Variants in TGFBRAP1 observed in about 807,000 individuals in gnomAD.
The protein encoded by TGFBRAP1 is transforming growth factor beta receptor associated protein 1.
TGFBRAP1 carries 20 observed loss-of-function variants against 83.2 expected under a neutral mutation model. That is an observed-to-expected ratio of 0.24 (90% CI 0.17 to 0.35). The LOEUF is 0.35. TGFBRAP1 is among the 10% of genes least tolerant of loss of function. The probability of loss-of-function intolerance (pLI) is 1.00; values close to 1 mark genes in which losing one functional copy is unlikely to be tolerated. For missense variants in TGFBRAP1, 950 were observed against 1,099.4 expected, an observed-to-expected ratio of 0.86 and a Z score of 1.92; for synonymous variants, 415 against 459.8, an observed-to-expected ratio of 0.90 and a Z score of 1.25.
chr2:105,268,293 GATAA>G (rs1677017641), intron 11 of TGFBRAP1, among the ~76,000 whole-genome samples: 1 of 152,160 alleles, frequency 6.6e-6, no homozygotes, highest in East Asian at 1.9e-4. Context: ...CAGACACTGA[GATAA>G]AGAAATGAAG....
downstream of TGFBRAP1, among the ~76,000 whole-genome samples, chr2:105,262,114 G>A (rs928108175): frequency 1.3e-5 from 2 of 152,152 alleles, no homozygotes; most frequent in East Asian, 1.9e-4. Flanking sequence ...AGGTTAACAC[G>A]AGAAGGGAAC....
At chr2:105,316,132 A>C (rs918157878) in intron 1 of TGFBRAP1, among the ~76,000 whole-genome samples, 1 of 152,196 alleles carries the variant, frequency 6.6e-6, no homozygotes, top group Admixed American at 6.5e-5. Flanking sequence ...AGGCCACGCT[A>C]ATCTATAGCG....
chr2:105,328,340 T>C (rs537054699), intron 1 of TGFBRAP1, among the ~76,000 whole-genome samples: 1 of 152,270 alleles, frequency 6.6e-6, no homozygotes, highest in East Asian at 1.9e-4. Flanking sequence ...TTTCTAGTAC[T>C]CCAGGCAGCG....
intron 1 of TGFBRAP1, among the ~76,000 whole-genome samples, chr2:105,310,035 C>T (rs1051927517): frequency 3.3e-5 from 5 of 152,136 alleles, no homozygotes; most frequent in East Asian, 1.9e-4. Flanking sequence ...CCTCCATGAA[C>T]GGTAAGCAAT....
intron 1 of TGFBRAP1, among the ~76,000 whole-genome samples, chr2:105,309,250 G>C (rs1389961626): frequency 1.3e-5 from 2 of 152,236 alleles, no homozygotes; most frequent in Non-Finnish European, 2.9e-5. Flanking sequence ...CCTGTGAGCG[G>C]GAGCAGGGCA....
chr2:105,313,957 C>A (rs1401596943), intron 1 of TGFBRAP1, among the ~76,000 whole-genome samples: 1 of 152,086 alleles, frequency 6.6e-6, no homozygotes, highest in Non-Finnish European at 1.5e-5. Context: ...CCCAATCATG[C>A]TGAAGTCCTA....
chr2:105,260,712 A>T (rs1302813263), downstream of TGFBRAP1, among the ~76,000 whole-genome samples: 1 of 117,384 alleles, frequency 8.5e-6, no homozygotes, highest in African/African-American at 4.2e-5. Flanking sequence ...TATGCCACAG[A>T]ACTACACACT....
chr2:105,323,866 G>A (rs1679141569), intron 1 of TGFBRAP1, among the ~76,000 whole-genome samples: 1 of 152,152 alleles, frequency 6.6e-6, no homozygotes, highest in Admixed American at 6.5e-5. Flanking sequence ...TCTTAAATGT[G>A]TTGTTTCTAT....
intron 3 of TGFBRAP1, 113 bp downstream of exon 3, chr2:105,298,398 A>T: frequency 8.8e-7 from 1 of 1,139,078 alleles, no homozygotes. Flanking sequence ...TATTGGAGTC[A>T]TCTGTGTATC....
the TGFBRAP1 span, among the ~76,000 whole-genome samples, chr2:105,251,915 T>C: frequency 2.7e-5 from 4 of 149,842 alleles, no homozygotes; most frequent in East Asian, 5.8e-4. Context: ...TGGTGCAAGA[T>C]GTGCTTTGTT....
At chr2:105,308,831 T>C (rs866423679) in intron 1 of TGFBRAP1, among the ~76,000 whole-genome samples, 3 of 152,084 alleles carry the variant, frequency 2.0e-5, no homozygotes, top group Admixed American at 6.5e-5. Flanking sequence ...CCTGAGTTTC[T>C]ACAGCTACTT....
At chr2:105,283,113 A>G (rs1677599753) in intron 5 of TGFBRAP1, among the ~76,000 whole-genome samples, 1 of 152,230 alleles carries the variant, frequency 6.6e-6, no homozygotes, top group African/African-American at 2.4e-5. Flanking sequence ...CTAACACAAG[A>G]TACGGCAGAA....
chr2:105,253,596 T>A, the TGFBRAP1 span, among the ~76,000 whole-genome samples: 1 of 152,146 alleles, frequency 6.6e-6, no homozygotes, highest in Non-Finnish European at 1.5e-5. Flanking sequence ...CATGCCTGGC[T>A]AAATTTTAAA....
In TGFBRAP1 at chr2:105,265,875, C is replaced by T. The variant is rs1676913394; in HGVS notation, c.*1508G>A. ...AAATACATGGACCAATATTAGTTCA[C>T]GAAACATGTTTTAAAGAACAGAGAA... On this transcript the variant is annotated 3_prime_UTR_variant, in exon 12 of 12. Transcript: ENST00000393359. 6.6e-6 allele frequency: 1 copy of T among 152,168 alleles called. No homozygotes were observed. Among genetic ancestry groups the T allele is most frequent in the African/African-American group, 2.4e-5 (1 of 41,422 alleles). The allele number at this position is 152,168 out of a possible 1,614,324, so 9.4% of individuals were successfully genotyped here.
chr2:105,296,596 C>A (rs1376036105), intron 3 of TGFBRAP1, 86 bp from the exon 4 acceptor site: 22 of 1,453,482 alleles, frequency 1.5e-5, no homozygotes, highest in Non-Finnish European at 2.0e-5. Flanking sequence ...TGGATCATTA[C>A]CTGATTTGTT....
chr2:105,300,451 TTTTC>T (rs1377861040), intron 2 of TGFBRAP1, among the ~76,000 whole-genome samples: 23 of 133,258 alleles, frequency 1.7e-4, no homozygotes, highest in South Asian at 7.7e-4. Context: ...TTTTTTTTTT[TTTTC>T]CGAGACAGTC....
intron 8 of TGFBRAP1, 45 bp from the exon 9 acceptor site, chr2:105,273,735 C>T: frequency 6.3e-7 from 1 of 1,592,968 alleles, no homozygotes; most frequent in Non-Finnish European, 8.5e-7. Context: ...CCCAAACCCA[C>T]CTTTCCTTTA....
the TGFBRAP1 span, among the ~76,000 whole-genome samples, chr2:105,257,751 T>C: frequency 6.6e-6 from 1 of 152,206 alleles, no homozygotes; most frequent in African/African-American, 2.4e-5. Flanking sequence ...TATAACCCTA[T>C]ATCAGACCAT....
chr2:105,278,068 A>ATGTG (rs56983977), intron 6 of TGFBRAP1, among the ~76,000 whole-genome samples: 2,012 of 145,490 alleles, frequency 0.014, 18 homozygotes, highest in Admixed American at 0.024. Flanking sequence ...CAAAAAATAT[A>ATGTG]TGTGTGTGTG....
Sources: gnomAD v4.1 joint callset for allele counts (sites outside exome capture counted in the v4.1 genomes callset) on GRCh38, gnomAD v4.1.1 for gene constraint, MANE v1.5 for transcripts, NCBI Gene and HGNC (gene_info 2026-07-23, HGNC 2026-07-21) for gene names.